The following ABCC10 variants were observed in gnomAD, a reference collection of about 807,000 sequenced individuals.
ABCC10 encodes ATP binding cassette subfamily C member 10, also known as ATP-binding cassette sub-family C member 10.
Under a neutral mutation model 143.2 loss-of-function variants are expected in ABCC10, and 110 were observed. The ratio of observed to expected loss-of-function variants is 0.77; its 90% CI spans 0.66 to 0.90. ABCC10 has a LOEUF of 0.90. Ranked by LOEUF, ABCC10 falls within the 40% of genes least tolerant of loss-of-function variation. ABCC10 has a pLI of 0.00. For missense variants in ABCC10, 1,700 were observed against 1,900.5 expected (o/e 0.89, Z 1.96); for synonymous variants, 805 against 846.7 (o/e 0.95, Z 0.85).
Position 43,445,235 on chromosome 6 carries a change from T to C in ABCC10, c.2951T>C (p.Leu984Pro). ...IAGVNSLCTL[L>P]RAVLFAAGTL... ...GGTGTAAATTCCCTCTGCACCCTTC[T>C]CCGGGCAGTGCTCTTTGCAGCAGGC... The change falls in exon 14 of 22, where the codon CTC becomes CCC. Residue 984 changes from leucine (L) to proline (P), a missense_variant. Transcript: ENST00000372530. 1 of 1,614,036 alleles carries C rather than the reference T, an allele frequency of 6.2e-7. No homozygotes were observed. Among genetic ancestry groups the C allele is most frequent in the Non-Finnish European group, 8.5e-7 (1 of 1,179,978 alleles).
intron 2 of ABCC10, among the ~76,000 whole-genome samples, chr6:43,431,587 C>A (rs1368936231): frequency 1.3e-5 from 2 of 152,188 alleles, no homozygotes; most frequent in African/African-American, 4.8e-5. Context: ...GTCTCGAACT[C>A]CTAACCTCAG....
chr6:43,438,929 C>T (rs942346248), intron 8 of ABCC10, 134 bp downstream of exon 8: 2 of 1,089,574 alleles, frequency 1.8e-6, no homozygotes, highest in African/African-American at 1.6e-5. Context: ...GGCCATCGGA[C>T]TGTGGTCCTC....
At chr6:43,434,948 C>A in intron 4 of ABCC10, 100 bp downstream of exon 4, 1 of 1,251,120 alleles carries the variant, frequency 8.0e-7, no homozygotes, top group Non-Finnish European at 1.1e-6. Flanking sequence ...AGGGAGGGAT[C>A]CCTGACTGCC....
chr6:43,437,705 A>G (rs986391319), intron 6 of ABCC10, among the ~76,000 whole-genome samples: 5 of 152,094 alleles, frequency 3.3e-5, no homozygotes, highest in Admixed American at 2.0e-4. Context: ...CTTCACATAG[A>G]CAGTGAAACT....
rs116803327 is a variant in ABCC10, at chr6:43,443,146, C to T, written c.2403C>T (p.Arg801=). 1.1e-4 allele frequency: 183 copies of T among 1,600,526 alleles called. 1 individual carries two copies. The African/African-American group carries it at 2.2e-3, about 20-fold the overall frequency. ...CGGTGCTGCTGATGGAGGCCGGGCG[C>T]CTCATCCGGGCTGGTAATGGGGGCA... The part of the protein sequence containing the change: ...ADAVLLMEAG[R]LIRAGPPSEI... Residue 801 remains arginine, a synonymous_variant, in exon 10 of 22, where the codon CGC becomes CGT. Transcript: ENST00000372530. The surrounding 1 kb of genome is among the most constrained non-coding windows in gnomAD (Gnocchi z 4.2).
chr6:43,448,842 A>G lies in ABCC10; in HGVS notation c.3960-39A>G, dbSNP rs779724688. The G allele has an allele frequency of 1.4e-5, 22 of 1,572,502 alleles. No homozygotes were observed. The East Asian group carries it at 4.7e-4, about 34-fold the overall frequency. ...AACTGAGCTGGGAGCAGAAGTGGCTACATCTCCAACCACTAGACTCCATGT... is the reference window on the plus strand; with the variant it reads ...AACTGAGCTGGGAGCAGAAGTGGCTGCATCTCCAACCACTAGACTCCATGT... On this transcript the variant is annotated intron_variant, in intron 18 of 21. Coordinates refer to ENST00000372530, the MANE Select transcript of ABCC10 (RefSeq NM_001198934.2).
chr6:43,441,145 A>T (rs192329541), intron 8 of ABCC10, among the ~76,000 whole-genome samples: 164 of 152,030 alleles, frequency 1.1e-3, no homozygotes, highest in African/African-American at 3.3e-3. Context: ...TTTTACATCA[A>T]ATCTGCCCAA....
rs751261560 is a variant in ABCC10 at position 43,443,897 on chromosome 6, A to C, written c.2417-36A>C. The stretch of plus-strand genomic sequence containing the variant: ...TGAGAAAGGCATAGTATAGACTCAG[A>C]ACAGTCCTCTCCCAATCTCCCCTTC... On this transcript the variant is annotated intron_variant, in intron 10 of 21. Coordinates refer to ENST00000372530, the MANE Select transcript of ABCC10 (RefSeq NM_001198934.2). The surrounding 1 kb of genome is among the most constrained non-coding windows in gnomAD (Gnocchi z 4.2). 6.4e-7 allele frequency: 1 copy of C among 1,573,898 alleles called. No individual in the cohort carries two copies. The highest frequency in any genetic ancestry group is 8.7e-7 in the Non-Finnish European group (1 of 1,143,294).
chr6:43,427,608 G>A lies in ABCC10; in HGVS notation c.-161G>A. The A allele has an allele frequency of 3.1e-6, 1 of 324,656 alleles. No individual in the cohort carries two copies. The highest frequency in any genetic ancestry group is 5.9e-6 in the Non-Finnish European group (1 of 169,904). 20.1% of individuals were successfully genotyped at this position (324,656 alleles called of 1,614,324 possible). A position where few individuals can be genotyped will look rare whatever the true frequency, so the allele number is the denominator to read the frequency against. ...CTCTAGGTGGGGTGCCAGCCGGGGC[G>A]GGCCCAGCACCCCGGCCGGGCAGTA... On this transcript the variant is annotated 5_prime_UTR_variant, in exon 1 of 22. Transcript: ENST00000372530.
In ABCC10 at chr6:43,433,176, A is replaced by T. The variant is rs1265111487; in HGVS notation, c.1196A>T (p.His399Leu). Residue 399 changes from histidine (H) to leucine (L), a missense_variant, in exon 3 of 22, where the codon CAT (histidine) becomes CTT (leucine). His to Leu is a moderately conservative substitution (Grantham distance 99). Coordinates refer to ENST00000372530, the MANE Select transcript of ABCC10 (RefSeq NM_001198934.2). ...ERLLNFAGSF[H>L]EAWGLPLQLA... ...CTGCTTAACTTTGCTGGGAGCTTCC[A>T]TGAAGCCTGGGGCCTGCCCCTGCAA... 1 of 1,613,946 alleles carries T rather than the reference A, an allele frequency of 6.2e-7. No homozygotes were observed. Among genetic ancestry groups the T allele is most frequent in the South Asian group, 1.1e-5 (1 of 91,088 alleles).
chr6:43,445,321 G>A lies in ABCC10; in HGVS notation c.3030+7G>A. 1.9e-6 allele frequency: 3 copies of A among 1,612,078 alleles called. No homozygotes were observed. The highest frequency in any genetic ancestry group is 1.3e-5 in the African/African-American group (1 of 74,974). ...GCTGCATCGAGTCCTTATGGTGAGG[G>A]GCTGGGACCTCGGGGGTAGGGGAGT... is the stretch of plus-strand genomic sequence containing the variant. On this transcript the variant is annotated splice_region_variant and intron_variant, in intron 14 of 21. Coordinates refer to ENST00000372530, the MANE Select transcript of ABCC10 (RefSeq NM_001198934.2).
rs1783555357 is a variant in ABCC10 at position 43,449,703 on chromosome 6, G to T, written c.4316+169G>T. Among the ~76,000 whole-genome samples the T allele has an allele frequency of 2.0e-5, 3 of 150,818 alleles. 1 individual carries two copies. The highest frequency in any genetic ancestry group is 2.0e-4 in the Admixed American group (3 of 15,222). ...AGGGTCCTTTATAGCACTGCCTAGGGCCCTTTATAGCACATTATCTGAGGG... is the reference window on the plus strand; with the variant it reads ...AGGGTCCTTTATAGCACTGCCTAGGTCCCTTTATAGCACATTATCTGAGGG... On this transcript the variant is annotated intron_variant, in intron 21 of 21. Transcript: ENST00000372530.
At chr6:43,451,133 AC>A (rs780100702), downstream of ABCC10, 2 of 1,614,170 alleles carry the variant, frequency 1.2e-6, no homozygotes, top group Non-Finnish European at 1.7e-6. The surrounding 1 kb of genome is among the most constrained non-coding windows in gnomAD (Gnocchi z 4.4). Context: ...GGCAGGTGGC[AC>A]CGTTAGCACA....
rs1783620824 is a variant in ABCC10 at position 43,450,156 on chromosome 6, G to A, written c.*65G>A. Reference sequence around the variant, plus strand: ...ATCCAGGCCGGGCCTATACAGAGGTGCTGGCTGCTTGTTTACATTCTCCTC... The same window carrying A: ...ATCCAGGCCGGGCCTATACAGAGGTACTGGCTGCTTGTTTACATTCTCCTC... On this transcript the variant is annotated 3_prime_UTR_variant, in exon 22 of 22. Coordinates refer to ENST00000372530, the MANE Select transcript of ABCC10 (RefSeq NM_001198934.2). The surrounding 1 kb of genome is among the most constrained non-coding windows in gnomAD (Gnocchi z 4.5). 6.7e-7 allele frequency: 1 copy of A among 1,497,814 alleles called. No homozygotes were observed. The highest frequency in any genetic ancestry group is 9.0e-7 in the Non-Finnish European group (1 of 1,113,770). 92.8% of individuals were successfully genotyped at this position (1,497,814 alleles called of 1,614,324 possible).
chr6:43,450,680 G>A (rs1410526041), downstream of ABCC10: 2 of 1,613,820 alleles, frequency 1.2e-6, no homozygotes, highest in South Asian at 1.1e-5. This position sits in a 1 kb window ranked among gnomAD's most constrained non-coding sequence, Gnocchi z 4.5. Context: ...GTCCAGGGGG[G>A]CAGACACCCC....
chr6:43,446,806 C>T (rs937700451), intron 16 of ABCC10: 1 of 1,165,282 alleles, frequency 8.6e-7, no homozygotes, highest in African/African-American at 1.6e-5. Context: ...TCCTGTGCTC[C>T]TGGCTAGGTC....
In ABCC10 at chr6:43,437,021, A is replaced by C. The variant is rs116996300; in HGVS notation, c.1875+774A>C. 2.0e-3 allele frequency among the ~76,000 whole-genome samples: 301 copies of C among 152,292 alleles called. 4 individuals carry two copies. In the East Asian group the frequency reaches 0.024, roughly 12 times the overall value. On this transcript the variant is annotated intron_variant, in intron 6 of 21. Transcript: ENST00000372530. Reference sequence around the variant, plus strand: ...AAGAATTTATAATAAGGATGTAGAGATACATTGCAGAATCCAAAGGCAGGA... The same window carrying C: ...AAGAATTTATAATAAGGATGTAGAGCTACATTGCAGAATCCAAAGGCAGGA...
chr6:43,448,029 A>C, intron 18 of ABCC10, 92 bp downstream of exon 18: 153 of 1,556,274 alleles, frequency 9.8e-5, no homozygotes, highest in Non-Finnish European at 1.2e-4. Context: ...ATATAAACTC[A>C]CAGCAGCCAG....
chr6:43,428,853 A>T (rs1165192328), intron 2 of ABCC10, among the ~76,000 whole-genome samples: 1 of 151,274 alleles, frequency 6.6e-6, no homozygotes, highest in African/African-American at 2.4e-5. Flanking sequence ...TTCTCATTAG[A>T]CTGAGTTCCC....
Sources: gnomAD v4.1 joint callset for allele counts (sites outside exome capture counted in the v4.1 genomes callset) on GRCh38, gnomAD v4.1.1 for gene constraint, Gnocchi (gnomAD v3.1) non-coding constraint, MANE v1.5 for transcripts, NCBI Gene and HGNC (gene_info 2026-07-23, HGNC 2026-07-21) for gene names.